The following ENPP2 variants were observed in gnomAD, a reference collection of about 807,000 sequenced individuals.
ENPP2 encodes the protein autotaxin.
Under a neutral mutation model 120.2 loss-of-function variants are expected in ENPP2, and 51 were observed. That is an observed-to-expected ratio of 0.42 (90% confidence interval 0.34 to 0.54). The LOEUF (loss-of-function observed/expected upper bound fraction) is 0.54, where lower values mean the gene tolerates loss of function less well. Among genes scored for constraint, ENPP2 ranks in the 20% least tolerant of loss-of-function variants. The probability of loss-of-function intolerance (pLI) is 0.04; values close to 1 mark genes in which losing one functional copy is unlikely to be tolerated. For synonymous variants in ENPP2, 365 were observed against 366.4 expected (o/e 1.00, Z 0.04); for missense variants, 920 against 1,066.5 (o/e 0.86, Z 1.91).
chr8:119,590,491 A>G lies in ENPP2; in HGVS notation c.1207+14T>C. 6.3e-7 allele frequency: 1 copy of G among 1,585,738 alleles called. No individual in the cohort carries two copies. The highest frequency in any genetic ancestry group is 8.6e-7 in the Non-Finnish European group (1 of 1,167,524). On this transcript the variant is annotated intron_variant, in intron 13 of 24. Transcript: ENST00000075322. ...TACCACTCTAACCACTTAATATTTT[A>G]AGAATCAACTTACATTTAGCATTGT...
intron 13 of ENPP2, among the ~76,000 whole-genome samples, chr8:119,589,599 G>A (rs1450143428): frequency 6.6e-6 from 1 of 152,172 alleles, no homozygotes; most frequent in African/African-American, 2.4e-5. Flanking sequence ...GACAGGAAAG[G>A]TCATGGAGGA....
intron 1 of ENPP2, among the ~76,000 whole-genome samples, chr8:119,659,151 C>CA (rs1023500933): frequency 2.6e-5 from 4 of 151,154 alleles, no homozygotes; most frequent in African/African-American, 7.3e-5. Flanking sequence ...CCCATCTCTA[C>CA]AAAAAAAACA....
At chr8:119,668,953 AT>A (rs1818161179) in intron 1 of ENPP2, among the ~76,000 whole-genome samples, 1 of 152,126 alleles carries the variant, frequency 6.6e-6, no homozygotes, top group Non-Finnish European at 1.5e-5. Flanking sequence ...GTAATTTGCA[AT>A]TTAATTTTGG....
intron 8 of ENPP2, among the ~76,000 whole-genome samples, chr8:119,614,504 G>GTAAACAGAGCT (rs1202351529): frequency 1.3e-5 from 2 of 152,166 alleles, no homozygotes; most frequent in East Asian, 3.9e-4. Context: ...GAGGAAACAG[G>GTAAACAGAGCT]TAAACAGAGC....
chr8:119,569,475 T>A, intron 20 of ENPP2, 105 bp from the exon 21 acceptor site: 3 of 1,028,644 alleles, frequency 2.9e-6, no homozygotes, highest in Non-Finnish European at 4.1e-6. Flanking sequence ...ATTGATAGTC[T>A]GACTCCTTTT....
chr8:119,561,738 A>G (rs1052821856), intron 24 of ENPP2, among the ~76,000 whole-genome samples: 2 of 152,130 alleles, frequency 1.3e-5, no homozygotes. Flanking sequence ...CATAACTAGT[A>G]GCAAACCTGA....
upstream of ENPP2, among the ~76,000 whole-genome samples, chr8:119,640,984 T>C (rs757529998): frequency 1.3e-5 from 2 of 152,082 alleles, no homozygotes; most frequent in Non-Finnish European, 2.9e-5. Flanking sequence ...TGACCTCAGG[T>C]GATCCGCCCA....
intron 9 of ENPP2, 69 bp downstream of exon 9, chr8:119,607,853 A>G (rs1814830028): frequency 1.1e-6 from 1 of 946,782 alleles, no homozygotes; most frequent in African/African-American, 1.7e-5. Context: ...AATAAAACTT[A>G]AATTGATGTT....
chr8:119,570,578 T>C (rs778639049), intron 20 of ENPP2, 127 bp downstream of exon 20: 7 of 574,818 alleles, frequency 1.2e-5, no homozygotes, highest in Admixed American at 3.9e-5. Context: ...AAATCCAACA[T>C]AGGATTTCTG....
chr8:119,569,151 C>A lies in ENPP2; in HGVS notation c.2053+84G>T, dbSNP rs529331558. 3 of 1,371,808 alleles carry A rather than the reference C, an allele frequency of 2.2e-6. No homozygotes were observed. In the South Asian group the frequency reaches 3.9e-5, roughly 18 times the overall value. 85.0% of individuals were successfully genotyped at this position (1,371,808 alleles called of 1,614,324 possible). A position where few individuals can be genotyped will look rare whatever the true frequency, so the allele number is the denominator to read the frequency against. On this transcript the variant is annotated intron_variant, in intron 21 of 24. Coordinates refer to ENST00000075322, the MANE Select transcript of ENPP2 (RefSeq NM_001040092.3). ...TCTGAGCACCCTCTCTTGAAGAAAA[C>A]CCAAGCCACTGAAATTCCAAATACC...
At chr8:119,608,162 T>C (rs1442331563) in intron 8 of ENPP2, among the ~76,000 whole-genome samples, 185 bp from the exon 9 acceptor site, 1 of 152,260 alleles carries the variant, frequency 6.6e-6, no homozygotes, top group Non-Finnish European at 1.5e-5. Flanking sequence ...CAAATGTTAT[T>C]CAATATATTC....
In ENPP2 at chr8:119,607,995, A is replaced by T; in HGVS notation, c.778-18T>A. 6.3e-7 allele frequency: 1 copy of T among 1,581,920 alleles called. No homozygotes were observed. The highest frequency in any genetic ancestry group is 8.6e-7 in the Non-Finnish European group (1 of 1,161,510). On this transcript the variant is annotated intron_variant, in intron 8 of 24. Coordinates refer to ENST00000075322, the MANE Select transcript of ENPP2 (RefSeq NM_001040092.3). ...ATCCATAGCTAATGAGGAAAATATA[A>T]GCGGCTTAAAATGTGTTCTGTGTTT...
intron 2 of ENPP2, among the ~76,000 whole-genome samples, chr8:119,637,939 T>C (rs944868371): frequency 1.3e-5 from 2 of 152,242 alleles, no homozygotes; most frequent in South Asian, 4.1e-4. Flanking sequence ...CTCTCTTTTA[T>C]GTTTTTCCAA....
chr8:119,586,702 A>G (rs1202177460), intron 14 of ENPP2, among the ~76,000 whole-genome samples: 1 of 152,152 alleles, frequency 6.6e-6, no homozygotes. Context: ...TGTACCACTA[A>G]GGTCGCTACC....
chr8:119,659,320 T>TAAAAAAAAAAAAAAAAAAAAAAA (rs750701293), intron 1 of ENPP2, among the ~76,000 whole-genome samples: 2 of 64,906 alleles, frequency 3.1e-5, no homozygotes, highest in African/African-American at 4.8e-5. Flanking sequence ...CTGTCTCAAT[T>TAAAAAAAAAAAAAAAAAAAAAAA]AAAAAAAAAA....
intron 6 of ENPP2, 24 bp from the exon 7 acceptor site, chr8:119,617,267 A>G: frequency 1.3e-6 from 2 of 1,555,178 alleles, no homozygotes; most frequent in Non-Finnish European, 1.8e-6. Context: ...TGCAAATATT[A>G]GAACAAGAGA....
At chr8:119,584,283 C>T (rs1367856347) in intron 15 of ENPP2, among the ~76,000 whole-genome samples, 1 of 152,080 alleles carries the variant, frequency 6.6e-6, no homozygotes, top group East Asian at 1.9e-4. Context: ...TCACGATGCC[C>T]TCCTTGGAGC....
intron 24 of ENPP2, among the ~76,000 whole-genome samples, chr8:119,560,748 GAA>G (rs1361011898): frequency 1.3e-5 from 2 of 152,146 alleles, no homozygotes; most frequent in African/African-American, 4.8e-5. Flanking sequence ...TGATAAATTG[GAA>G]AGAGGATGGG....
At chr8:119,602,084 C>T (rs773561829) in intron 9 of ENPP2, among the ~76,000 whole-genome samples, 1 of 152,184 alleles carries the variant, frequency 6.6e-6, no homozygotes, top group Non-Finnish European at 1.5e-5. Flanking sequence ...ACTACCTAAC[C>T]TGAAACTTTA....
Sources: allele counts gnomAD v4.1 joint callset (sites outside exome capture counted in the v4.1 genomes callset), GRCh38; gene constraint gnomAD v4.1.1; transcripts MANE v1.5; gene names NCBI Gene and HGNC (gene_info 2026-07-23, HGNC 2026-07-21).